Variants in MPG observed in about 807,000 individuals in gnomAD.
The protein encoded by MPG is N-methylpurine DNA glycosylase.
MPG carries 33 observed loss-of-function variants against 31.7 expected under a neutral mutation model. The observed-to-expected ratio is 1.04, with a 90% CI of 0.79 to 1.39. MPG has a LOEUF of 1.39. Among genes scored for constraint, MPG ranks in the 40% most tolerant of loss-of-function variants. The probability of loss-of-function intolerance (pLI) is 0.00; values close to 1 mark genes in which losing one functional copy is unlikely to be tolerated. For synonymous variants in MPG, 202 were observed against 169.2 expected, an observed-to-expected ratio of 1.19 and a Z score of -1.51; for missense variants, 455 against 415.5, an observed-to-expected ratio of 1.10 and a Z score of -0.83.
chr16:83,203 T>C lies in MPG; in HGVS notation c.452T>C (p.Leu151Pro), dbSNP rs764682544. The C allele has an allele frequency of 4.3e-5, 70 of 1,613,064 alleles. No homozygotes were observed. The highest frequency in any genetic ancestry group is 5.6e-5 in the Non-Finnish European group (66 of 1,179,942). ...GGCATGTTCATGAAGCCGGGGACCC[T>C]GTACGTGTACATCATTTACGGCATG... ...NRGMFMKPGT[L>P]YVYIIYGMYF... The change falls in exon 3 of 4, where the codon CTG becomes CCG. Residue 151 changes from leucine (L) to proline (P), a missense_variant. Transcript: ENST00000356432.
chr16:82,404 G>T (rs561747610), intron 2 of MPG, among the ~76,000 whole-genome samples: 1 of 152,332 alleles, frequency 6.6e-6, no homozygotes, highest in South Asian at 2.1e-4. Context: ...CAGGGGATGT[G>T]GTTGGTCCCC....
At chr16:78,709 C>G (rs1001673947) in intron 1 of MPG, among the ~76,000 whole-genome samples, 4 of 152,252 alleles carry the variant, frequency 2.6e-5, no homozygotes, top group African/African-American at 9.6e-5. Flanking sequence ...GCTGCCAGGC[C>G]GGCGCTCACC....
intron 1 of MPG, chr16:79,084 A>G: frequency 6.9e-7 from 1 of 1,443,334 alleles, no homozygotes; most frequent in East Asian, 2.5e-5. Context: ...GATGAGTGGG[A>G]ATCGGAGGGC....
rs866971335 is a variant in MPG at position 79,684 on chromosome 16, G to A, written c.284G>A (p.Arg95Gln). 6 of 1,559,870 alleles carry A rather than the reference G, an allele frequency of 3.8e-6. No homozygotes were observed. Among genetic ancestry groups the A allele is most frequent in the South Asian group, 2.3e-5 (2 of 85,662 alleles). The stretch of plus-strand genomic sequence containing the variant: ...GACCAGCCGGCAGTCCCCCTGGCCC[G>A]GGCATTTCTGGGACAGGTAATGTGA... Reference protein sequence around the residue: ...FFDQPAVPLARAFLGQVLVRR... With the variant: ...FFDQPAVPLAQAFLGQVLVRR... Residue 95 changes from arginine to glutamine, a missense_variant, in exon 2 of 4, where the codon CGG becomes CAG. Arg to Gln is a conservative substitution (Grantham distance 43). Coordinates refer to ENST00000356432, the MANE Select transcript of MPG (RefSeq NM_001015052.3).
intron 2 of MPG, among the ~76,000 whole-genome samples, chr16:81,130 A>G (rs1898225589): frequency 6.6e-6 from 1 of 152,128 alleles, no homozygotes; most frequent in Non-Finnish European, 1.5e-5. Flanking sequence ...TAAAAGGGTC[A>G]CTGCAGTGAG....
chr16:79,197 A>G, intron 1 of MPG: 2 of 1,548,716 alleles, frequency 1.3e-6, no homozygotes, highest in Non-Finnish European at 1.7e-6. Context: ...CAGAGCAGCC[A>G]CCCTGCCCCC....
At chr16:78,026 C>T (rs1349105182), upstream of MPG, 1 of 287,334 alleles carries the variant, frequency 3.5e-6, no homozygotes, top group Admixed American at 5.2e-5. Context: ...TCGCCCCACC[C>T]CCAGGTGCCC....
chr16:79,088 G>A (rs1337187624), intron 1 of MPG: 5 of 1,442,958 alleles, frequency 3.5e-6, no homozygotes, highest in African/African-American at 2.9e-5. Flanking sequence ...AGTGGGAATC[G>A]GAGGGCACCA....
chr16:80,766 G>A (rs990022613), intron 2 of MPG, among the ~76,000 whole-genome samples: 14 of 152,088 alleles, frequency 9.2e-5, no homozygotes, highest in South Asian at 6.2e-4. Flanking sequence ...CTGAGATCAC[G>A]CCATTGCACT....
At position 80,680 on chromosome 16, in the gene MPG, G is replaced by C. The variant is rs574589562; in HGVS notation, c.300+980G>C. The stretch of plus-strand genomic sequence containing the variant: ...AAAAATTAGCTGGGTGTGATGACGG[G>C]CGCCTCTAATCTCAGCTACTTGGGA... On this transcript the variant is annotated intron_variant, in intron 2 of 3. Coordinates refer to ENST00000356432, the MANE Select transcript of MPG (RefSeq NM_001015052.3). Among the ~76,000 whole-genome samples the C allele has an allele frequency of 1.2e-4, 18 of 152,244 alleles. 1 individual carries two copies. The South Asian group carries it at 3.7e-3, about 32-fold the overall frequency.
At chr16:83,740 CAAA>C (rs55674146) in intron 3 of MPG, among the ~76,000 whole-genome samples, 4 of 99,438 alleles carry the variant, frequency 4.0e-5, no homozygotes, top group African/African-American at 4.0e-5. Flanking sequence ...GACTCCATCT[CAAA>C]AAAAAAAAAA....
chr16:83,013 C>G, intron 2 of MPG, 39 bp from the exon 3 acceptor site: 1 of 1,522,344 alleles, frequency 6.6e-7, no homozygotes, highest in Non-Finnish European at 8.9e-7. Context: ...AGTGGACCCC[C>G]ATCCCTTCCC....
At chr16:83,958 C>T (rs1462587506) in intron 3 of MPG, among the ~76,000 whole-genome samples, 3 of 151,926 alleles carry the variant, frequency 2.0e-5, no homozygotes, top group East Asian at 1.9e-4. Context: ...GCGGAGGAGT[C>T]GGTGAGGAAA....
Position 78,239 on chromosome 16 carries a change from T to G in MPG, c.-71T>G. 2 of 1,344,094 alleles carry G rather than the reference T, an allele frequency of 1.5e-6. No individual in the cohort carries two copies. Among genetic ancestry groups the G allele is most frequent in the Non-Finnish European group, 9.6e-7 (1 of 1,037,460 alleles). 83.3% of individuals were successfully genotyped at this position (1,344,094 alleles called of 1,614,324 possible). ...CGCTCCGCCCCGGTCCTAGGGGTGC[T>G]TCCGTGGTCGGCGGCTGCTGGGCTC... On this transcript the variant is annotated 5_prime_UTR_variant, in exon 1 of 4. Transcript: ENST00000356432.
Position 85,718 on chromosome 16 carries a change from C to T in MPG, c.823C>T (p.Arg275Trp), listed in dbSNP as rs566736218. The T allele has an allele frequency of 2.2e-5, 33 of 1,531,532 alleles. No homozygotes were observed. The highest frequency in any genetic ancestry group is 3.8e-5 in the South Asian group (3 of 78,308). 94.9% of individuals were successfully genotyped at this position (1,531,532 alleles called of 1,614,324 possible). A position where few individuals can be genotyped will look rare whatever the true frequency, so the allele number is the denominator to read the frequency against. The change falls in exon 4 of 4, where the codon CGG (arginine) becomes TGG (tryptophan). Residue 275 changes from arginine (R) to tryptophan (W), a missense_variant. Physicochemically the swap from Arg to Trp is moderately radical, Grantham distance 101. Coordinates refer to ENST00000356432, the MANE Select transcript of MPG (RefSeq NM_001015052.3). Reference sequence around the variant, plus strand: ...CCGGAAACCCCTCCGCTTCTATGTCCGGGGCAGCCCCTGGGTCAGTGTGGT... The same window carrying T: ...CCGGAAACCCCTCCGCTTCTATGTCTGGGGCAGCCCCTGGGTCAGTGTGGT... ...WARKPLRFYVRGSPWVSVVDR... is the reference protein window; with the variant it reads ...WARKPLRFYVWGSPWVSVVDR...
chr16:81,819 C>T (rs1596485661), intron 2 of MPG, among the ~76,000 whole-genome samples: 1 of 92,944 alleles, frequency 1.1e-5, no homozygotes, highest in African/African-American at 4.9e-5. Flanking sequence ...TTCTTCCCAC[C>T]ACCCTATCTC....
At position 80,169 on chromosome 16, in the gene MPG, C is replaced by G. The variant is rs3176395; in HGVS notation, c.300+469C>G. On this transcript the variant is annotated intron_variant, in intron 2 of 3. Coordinates refer to ENST00000356432, the MANE Select transcript of MPG (RefSeq NM_001015052.3). ...TCAGACTTGGAGTAAGAAGCAGGGA[C>G]TGCCCAGGTCCCATCCTGGTGGGGC... 9.9e-3 allele frequency among the ~76,000 whole-genome samples: 1,513 copies of G among 152,344 alleles called. 26 individuals carry two copies. Among genetic ancestry groups the G allele is most frequent in the African/African-American group, 0.033 (1,376 of 41,576 alleles).
rs1596489934 is a variant in MPG at position 85,490 on chromosome 16, A to C, written c.595A>C (p.Thr199Pro). 6.2e-7 allele frequency: 1 copy of C among 1,613,104 alleles called. No homozygotes were observed. The stretch of plus-strand genomic sequence containing the variant: ...GCTTCGCAGCACCCTCCGGAAAGGC[A>C]CCGCCAGCCGTGTCCTCAAGGACCG... Reference protein sequence around the residue: ...RQLRSTLRKGTASRVLKDREL... With the variant: ...RQLRSTLRKGPASRVLKDREL... The change falls in exon 4 of 4, where the codon ACC (threonine) becomes CCC (proline). Residue 199 changes from threonine (T) to proline (P), a missense_variant. Physicochemically the swap from Thr to Pro is conservative, Grantham distance 38 (BLOSUM62 -1). Coordinates refer to ENST00000356432, the MANE Select transcript of MPG (RefSeq NM_001015052.3).
At chr16:84,451 G>A (rs1340616814) in intron 3 of MPG, 3 of 152,348 alleles carry the variant, frequency 2.0e-5, no homozygotes, top group South Asian at 2.1e-4. Flanking sequence ...TCCAGGCTAA[G>A]CTTCGGACTC....
Sources: gnomAD v4.1 joint callset for allele counts (sites outside exome capture counted in the v4.1 genomes callset) on GRCh38, gnomAD v4.1.1 for gene constraint, MANE v1.5 for transcripts, NCBI Gene and HGNC (gene_info 2026-07-23, HGNC 2026-07-21) for gene names.